ZNF804B: variants seen among roughly 807,000 people sequenced by gnomAD.
ZNF804B encodes the protein zinc finger 804B.
A neutral mutation model predicts 101.4 loss-of-function variants in ZNF804B; 80 were observed. That is an observed-to-expected ratio of 0.79 (90% CI 0.66 to 0.95). ZNF804B has a LOEUF of 0.95. Among genes scored for constraint, ZNF804B ranks in the 40% least tolerant of loss-of-function variants. The pLI, the probability that ZNF804B is intolerant of heterozygous loss-of-function variation, is 0.00. For synonymous variants in ZNF804B, 622 were observed against 558.8 expected (o/e 1.11, Z -1.59); for missense variants, 1,673 against 1,561.9 (o/e 1.07, Z -1.20).
rs752189866 is a variant in ZNF804B at position 89,337,060 on chromosome 7, AT to A, written c.*35del. The A allele has an allele frequency of 8.9e-6, 14 of 1,571,150 alleles. No individual in the cohort carries two copies. In the Admixed American group the frequency reaches 1.1e-4, roughly 13 times the overall value. On this transcript the variant is annotated 3_prime_UTR_variant, in exon 4 of 4. Coordinates refer to ENST00000333190, the MANE Select transcript of ZNF804B (RefSeq NM_181646.5). ...AGTGTTAAAGCCCCTCCTGTGGATA[AT>A]TTTTTTAATTGTCACTACCTATAAA...
At chr7:89,191,140 G>T (rs1050448496) in intron 1 of ZNF804B, among the ~76,000 whole-genome samples, 11 of 151,870 alleles carry the variant, frequency 7.2e-5, no homozygotes, top group African/African-American at 2.4e-4. Flanking sequence ...CCTAAACAGA[G>T]AATCTAAAAC....
intron 1 of ZNF804B, among the ~76,000 whole-genome samples, chr7:88,781,886 A>G (rs1790232354): frequency 6.6e-6 from 1 of 152,210 alleles, no homozygotes; most frequent in Non-Finnish European, 1.5e-5. Context: ...TAAGCATAAA[A>G]GAATTAATTG....
chr7:89,271,664 C>G (rs1584095567), intron 2 of ZNF804B, among the ~76,000 whole-genome samples: 1 of 152,044 alleles, frequency 6.6e-6, no homozygotes, highest in African/African-American at 2.4e-5. Flanking sequence ...CTCTTTGTAC[C>G]TCTGGTAGAA....
intron 1 of ZNF804B, among the ~76,000 whole-genome samples, chr7:88,806,867 GC>G (rs562200541): frequency 1.5e-3 from 228 of 152,012 alleles, no homozygotes; most frequent in Non-Finnish European, 2.6e-3. Flanking sequence ...TTAGAAATTT[GC>G]CTCCAGTGAT....
At chr7:89,270,039 C>A (rs1562932509) in intron 2 of ZNF804B, among the ~76,000 whole-genome samples, 1 of 152,066 alleles carries the variant, frequency 6.6e-6, no homozygotes, top group African/African-American at 2.4e-5. Context: ...ATGGTAGTTT[C>A]TTTTGCTGTG....
intron 1 of ZNF804B, among the ~76,000 whole-genome samples, chr7:89,069,376 C>T (rs1392082085): frequency 1.3e-5 from 2 of 152,104 alleles, no homozygotes; most frequent in Non-Finnish European, 1.5e-5. Flanking sequence ...AAATTAAAAT[C>T]ACACCATTAT....
chr7:88,991,671 T>C (rs1793849111), intron 1 of ZNF804B, among the ~76,000 whole-genome samples: 1 of 152,146 alleles, frequency 6.6e-6, no homozygotes, highest in South Asian at 2.1e-4. Flanking sequence ...AGAGCAGTAA[T>C]AGAGCAGTAA....
chr7:88,771,171 AG>A (rs1790055685), intron 1 of ZNF804B, among the ~76,000 whole-genome samples: 1 of 152,120 alleles, frequency 6.6e-6, no homozygotes, highest in African/African-American at 2.4e-5. Flanking sequence ...GGATATTTTA[AG>A]GCTTTCTCTT....
chr7:88,968,785 A>G (rs990170778), intron 1 of ZNF804B, among the ~76,000 whole-genome samples: 2 of 151,670 alleles, frequency 1.3e-5, no homozygotes, highest in African/African-American at 2.4e-5. Context: ...AGTTATAAAA[A>G]GAAGTACTGT....
chr7:89,021,722 C>T (rs918339491), intron 1 of ZNF804B, among the ~76,000 whole-genome samples: 13 of 152,068 alleles, frequency 8.5e-5, no homozygotes, highest in African/African-American at 7.2e-5. Context: ...GCCAGAGTTG[C>T]GACAACACAG....
intron 1 of ZNF804B, among the ~76,000 whole-genome samples, chr7:89,011,085 C>A (rs1377590973): frequency 2.0e-5 from 3 of 152,168 alleles, no homozygotes; most frequent in Non-Finnish European, 4.4e-5. Flanking sequence ...AGGAAACTTA[C>A]AATCATGGCA....
intron 1 of ZNF804B, among the ~76,000 whole-genome samples, chr7:89,092,937 C>T (rs1406580131): frequency 2.0e-5 from 3 of 152,092 alleles, no homozygotes; most frequent in Admixed American, 6.5e-5. Flanking sequence ...ATTGTTGCTT[C>T]TAGGCCCTTT....
chr7:89,169,267 A>G (rs1791190428), intron 1 of ZNF804B, among the ~76,000 whole-genome samples: 1 of 152,090 alleles, frequency 6.6e-6, no homozygotes, highest in South Asian at 2.1e-4. Context: ...TGCAAGATTT[A>G]ATAGAGTGAA....
At chr7:89,001,347 TC>T (rs1274620445) in intron 1 of ZNF804B, among the ~76,000 whole-genome samples, 2 of 151,406 alleles carry the variant, frequency 1.3e-5, no homozygotes, top group African/African-American at 4.9e-5. Flanking sequence ...TTCTTTTTTT[TC>T]CTTTCCTTTT....
chr7:88,879,393 C>A (rs1026229875), intron 1 of ZNF804B, among the ~76,000 whole-genome samples: 2 of 152,082 alleles, frequency 1.3e-5, no homozygotes, highest in Admixed American at 6.6e-5. Context: ...TATGCTACTG[C>A]ATATTTATCA....
At chr7:89,295,995 G>A (rs900779795) in intron 2 of ZNF804B, among the ~76,000 whole-genome samples, 5 of 151,960 alleles carry the variant, frequency 3.3e-5, no homozygotes, top group African/African-American at 4.8e-5. Flanking sequence ...TTAGAGACTC[G>A]GAAGGAGTAG....
chr7:89,162,586 T>C (rs1441296487), intron 1 of ZNF804B, among the ~76,000 whole-genome samples: 1 of 122,138 alleles, frequency 8.2e-6, no homozygotes, highest in Admixed American at 7.8e-5. Context: ...AAAGCATTTG[T>C]TGGGTTGAAC....
At chr7:89,017,398 C>T (rs1285568412) in intron 1 of ZNF804B, among the ~76,000 whole-genome samples, 1 of 152,196 alleles carries the variant, frequency 6.6e-6, no homozygotes, top group Non-Finnish European at 1.5e-5. Context: ...TGAGAGAGGG[C>T]ATCCCTGTCT....
chr7:88,846,241 G>A (rs1170514259), intron 1 of ZNF804B, among the ~76,000 whole-genome samples: 1 of 151,076 alleles, frequency 6.6e-6, no homozygotes, highest in Non-Finnish European at 1.5e-5. Flanking sequence ...AATACATTTT[G>A]CATCTGTAAA....
Sources: allele counts gnomAD v4.1 joint callset (sites outside exome capture counted in the v4.1 genomes callset), GRCh38; gene constraint gnomAD v4.1.1; transcripts MANE v1.5; gene names NCBI Gene and HGNC (gene_info 2026-07-23, HGNC 2026-07-21).